IMPA2: variants seen among roughly 807,000 people sequenced by gnomAD.
The protein encoded by IMPA2 is inositol monophosphatase 2.
A neutral mutation model predicts 35.1 loss-of-function variants in IMPA2; 32 were observed. The ratio of observed to expected loss-of-function variants is 0.91; its 90% confidence interval spans 0.69 to 1.23. IMPA2 has a LOEUF of 1.23. Ranked by LOEUF, IMPA2 falls within the 50% of genes most tolerant of loss-of-function variation. The pLI, the probability that IMPA2 is intolerant of heterozygous loss-of-function variation, is 0.00. For missense variants in IMPA2, 334 were observed against 387.6 expected (o/e 0.86, Z 1.16); for synonymous variants, 135 against 160.6 (o/e 0.84, Z 1.20).
At chr18:11,994,536 C>G (rs1239756118) in intron 1 of IMPA2, among the ~76,000 whole-genome samples, 2 of 152,194 alleles carry the variant, frequency 1.3e-5, no homozygotes, top group Non-Finnish European at 2.9e-5. Flanking sequence ...CCCGCCTCCT[C>G]CACACACACA....
At chr18:12,006,545 G>A (rs1430259251) in intron 2 of IMPA2, among the ~76,000 whole-genome samples, 1 of 152,218 alleles carries the variant, frequency 6.6e-6, no homozygotes, top group Non-Finnish European at 1.5e-5. Flanking sequence ...TTCCTTGGGT[G>A]TCTTGCTTAG....
intron 1 of IMPA2, chr18:11,993,863 T>C (rs1906882613): frequency 6.6e-6 from 1 of 152,318 alleles, no homozygotes; most frequent in Non-Finnish European, 1.5e-5. Flanking sequence ...CTGCCCTGGC[T>C]GGGTGTGAAG....
chr18:11,981,799 G>C (rs898879449), intron 1 of IMPA2, 34 bp downstream of exon 1: 21 of 1,204,618 alleles, frequency 1.7e-5, no homozygotes, highest in Non-Finnish European at 2.1e-5. Flanking sequence ...AAGTCCGGGC[G>C]GAGCAGAAGC....
intron 2 of IMPA2, among the ~76,000 whole-genome samples, chr18:12,007,532 C>T (rs1240851769): frequency 2.0e-5 from 3 of 152,128 alleles, no homozygotes; most frequent in Non-Finnish European, 2.9e-5. Flanking sequence ...GGATAATACA[C>T]CAAACACCAG....
At chr18:11,994,750 T>C (rs146078802) in intron 1 of IMPA2, 2,077 of 152,544 alleles carry the variant, frequency 0.014, 21 homozygotes, top group South Asian at 0.026. Flanking sequence ...GGGTGCACCA[T>C]GGCCTGTTGG....
chr18:12,022,628 C>T (rs577197365), intron 5 of IMPA2, among the ~76,000 whole-genome samples: 1 of 148,558 alleles, frequency 6.7e-6, no homozygotes, highest in African/African-American at 2.5e-5. Flanking sequence ...ATACAAAAAT[C>T]ATAGTAATTG....
At chr18:12,015,089 A>G (rs1321979268) in intron 5 of IMPA2, among the ~76,000 whole-genome samples, 2 of 152,184 alleles carry the variant, frequency 1.3e-5, no homozygotes, top group Non-Finnish European at 2.9e-5. Flanking sequence ...TGCCAGACAA[A>G]TGAGAGAAGC....
Position 12,010,915 on chromosome 18 carries a change from G to A in IMPA2, c.335+928G>A, listed in dbSNP as rs1423321926. Among the ~76,000 whole-genome samples, 1 of 152,168 alleles carries A rather than the reference G, an allele frequency of 6.6e-6. No homozygotes were observed. The highest frequency in any genetic ancestry group is 2.4e-5 in the African/African-American group (1 of 41,444). ...TGTGCCTACATAAGGTGACCCTTTCGAGGCAGTGGAGTCGTGCCATCTGGT... is the reference window on the plus strand; with the variant it reads ...TGTGCCTACATAAGGTGACCCTTTCAAGGCAGTGGAGTCGTGCCATCTGGT... On this transcript the variant is annotated intron_variant, in intron 3 of 7. Coordinates refer to ENST00000269159, the MANE Select transcript of IMPA2 (RefSeq NM_014214.3). The surrounding 1 kb of genome is among the most constrained non-coding windows in gnomAD (Gnocchi z 4.8).
intron 1 of IMPA2, among the ~76,000 whole-genome samples, chr18:11,984,196 T>C (rs1183450085): frequency 6.6e-6 from 1 of 152,136 alleles, no homozygotes; most frequent in African/African-American, 2.4e-5. Context: ...TCTGCCCCAG[T>C]TCTGGCAGGC....
intron 2 of IMPA2, among the ~76,000 whole-genome samples, chr18:12,001,382 A>T (rs1273296000): frequency 1.3e-5 from 2 of 151,962 alleles, no homozygotes; most frequent in African/African-American, 4.8e-5. Context: ...TGCGGTGATG[A>T]TCCGTGTGGC....
chr18:11,985,681 G>A (rs1906645538), intron 1 of IMPA2, among the ~76,000 whole-genome samples: 1 of 152,158 alleles, frequency 6.6e-6, no homozygotes. Flanking sequence ...CACCTCATGT[G>A]CTCCTCTGGT....
intron 5 of IMPA2, chr18:12,018,226 C>G (rs1260647204): frequency 6.6e-6 from 1 of 152,452 alleles, no homozygotes; most frequent in Non-Finnish European, 1.5e-5. Context: ...CAGGCATGAG[C>G]CACCACACCC....
rs1005389561 is a variant in IMPA2 at position 12,030,748 on chromosome 18, A to G, written c.*290A>G. On this transcript the variant is annotated 3_prime_UTR_variant, in exon 8 of 8. Transcript: ENST00000269159. ...AATCTCCTGTGAAATACGTATTGAT[A>G]ATCCAATCTTGATTTTTCCCCCCAG... 5.2e-5 allele frequency: 19 copies of G among 361,986 alleles called. 1 individual carries two copies. The South Asian group carries it at 6.6e-4, about 13-fold the overall frequency. 22.4% of individuals were successfully genotyped at this position (361,986 alleles called of 1,614,324 possible). A position where few individuals can be genotyped will look rare whatever the true frequency, so the allele number is the denominator to read the frequency against.
intron 5 of IMPA2, among the ~76,000 whole-genome samples, chr18:12,023,582 G>A (rs574656615): frequency 2.6e-5 from 4 of 152,054 alleles, no homozygotes; most frequent in African/African-American, 7.2e-5. Flanking sequence ...CCACCCACCC[G>A]CCCTGTGCTC....
Position 11,991,532 on chromosome 18 carries a change from T to C in IMPA2, c.97-7522T>C, listed in dbSNP as rs1297740392. 6.6e-6 allele frequency among the ~76,000 whole-genome samples: 1 copy of C among 152,112 alleles called. No homozygotes were observed. Among genetic ancestry groups the C allele is most frequent in the African/African-American group, 2.4e-5 (1 of 41,410 alleles). ...CCGATGAACTGTTAGGTTTTATTGA[T>C]TGTCACACGTATCAGGTTCTTCAGA... On this transcript the variant is annotated intron_variant, in intron 1 of 7. Coordinates refer to ENST00000269159, the MANE Select transcript of IMPA2 (RefSeq NM_014214.3). The surrounding 1 kb of genome is among the most constrained non-coding windows in gnomAD (Gnocchi z 4.1).
intron 2 of IMPA2, among the ~76,000 whole-genome samples, chr18:12,007,102 C>G (rs1907269241): frequency 6.6e-6 from 1 of 151,746 alleles, no homozygotes; most frequent in Admixed American, 6.6e-5. Flanking sequence ...TGCACTCCAG[C>G]CTGGGCGACA....
At chr18:12,000,382 C>G (rs1289977491) in intron 2 of IMPA2, among the ~76,000 whole-genome samples, 1 of 132,208 alleles carries the variant, frequency 7.6e-6, no homozygotes, top group African/African-American at 2.9e-5. Flanking sequence ...AATGAAAGAA[C>G]AAGCGAGTGT....
At chr18:12,003,656 AAAAAAAAAGAAAAGG>A (rs1907174132) in intron 2 of IMPA2, among the ~76,000 whole-genome samples, 1 of 52,256 alleles carries the variant, frequency 1.9e-5, no homozygotes, top group African/African-American at 1.8e-4. Context: ...ATCTTAAAAA[AAAAAAAAAGAAAAGG>A]AAAAAAAAAA....
Position 12,024,845 on chromosome 18 carries a change from C to G in IMPA2, c.491-3198C>G, listed in dbSNP as rs146780297. Reference sequence around the variant, plus strand: ...GACAGAGTTCCTATACACCTCCTGTCCCCACACACGTACAGCCTCCCCATC... The same window carrying G: ...GACAGAGTTCCTATACACCTCCTGTGCCCACACACGTACAGCCTCCCCATC... On this transcript the variant is annotated intron_variant, in intron 5 of 7. Transcript: ENST00000269159. 2.6e-5 allele frequency among the ~76,000 whole-genome samples: 4 copies of G among 151,946 alleles called. No homozygotes were observed. The East Asian group carries it at 7.7e-4, about 29-fold the overall frequency.
Sources: gnomAD v4.1 joint callset for allele counts (sites outside exome capture counted in the v4.1 genomes callset) on GRCh38, gnomAD v4.1.1 for gene constraint, Gnocchi (gnomAD v3.1) non-coding constraint, MANE v1.5 for transcripts, NCBI Gene and HGNC (gene_info 2026-07-23, HGNC 2026-07-21) for gene names.